MAGI1: variants seen among roughly 807,000 people sequenced by gnomAD.
The protein encoded by MAGI1 is membrane-associated guanylate kinase, WW and PDZ domain-containing protein 1.
Under a neutral mutation model 139.9 loss-of-function variants are expected in MAGI1, and 58 were observed. The ratio of observed to expected loss-of-function variants is 0.41; its 90% confidence interval spans 0.34 to 0.52. MAGI1 has a LOEUF of 0.52. MAGI1 is among the 20% of genes least tolerant of loss of function. MAGI1 has a pLI of 0.12. For missense variants in MAGI1, 1,874 were observed against 1,901.6 expected, an observed-to-expected ratio of 0.99 and a Z score of 0.27; for synonymous variants, 812 against 737.9, an observed-to-expected ratio of 1.10 and a Z score of -1.63.
At chr3:65,379,665 G>C in intron 16 of MAGI1, 111 bp from the exon 17 acceptor site, 1 of 1,500,524 alleles carries the variant, frequency 6.7e-7, no homozygotes, top group Non-Finnish European at 8.9e-7. Flanking sequence ...GAACCGAGGG[G>C]AGGAGACAGC....
intron 1 of MAGI1, 45 bp downstream of exon 1, chr3:66,037,951 C>A (rs754149936): frequency 6.6e-7 from 1 of 1,519,280 alleles, no homozygotes; most frequent in East Asian, 2.3e-5. Flanking sequence ...CCACAGACCA[C>A]CCTCCTTTTC....
chr3:65,778,451 A>AAAAAAAAAAAAAAAAAAG (rs1180962724), intron 1 of MAGI1, among the ~76,000 whole-genome samples: 3 of 61,360 alleles, frequency 4.9e-5, no homozygotes, highest in African/African-American at 9.8e-5. Context: ...AAAATAAATA[A>AAAAAAAAAAAAAAAAAAG]ATAAGTCTTT....
intron 2 of MAGI1, among the ~76,000 whole-genome samples, chr3:65,594,527 A>AT (rs2082099635): frequency 6.6e-6 from 1 of 152,242 alleles, no homozygotes; most frequent in Non-Finnish European, 1.5e-5. Context: ...CAGCAGAGTT[A>AT]CTGAATTAAT....
chr3:65,966,703 A>C (rs2064763683), intron 1 of MAGI1, among the ~76,000 whole-genome samples: 1 of 152,196 alleles, frequency 6.6e-6, no homozygotes, highest in Non-Finnish European at 1.5e-5. Flanking sequence ...GCTGCTAATT[A>C]CGAGGCATCA....
chr3:65,412,542 C>G (rs1364512190), intron 12 of MAGI1, among the ~76,000 whole-genome samples: 1 of 152,152 alleles, frequency 6.6e-6, no homozygotes, highest in Non-Finnish European at 1.5e-5. Flanking sequence ...CGGTCTATCC[C>G]TAGAACAGTA....
At chr3:65,763,997 C>T (rs1051445450) in intron 1 of MAGI1, among the ~76,000 whole-genome samples, 4 of 148,184 alleles carry the variant, frequency 2.7e-5, no homozygotes, top group South Asian at 2.2e-4. Flanking sequence ...ACTTTACCCT[C>T]GGAGGTGGAG....
At chr3:65,818,725 A>C (rs2041764514) in intron 1 of MAGI1, among the ~76,000 whole-genome samples, 1 of 152,166 alleles carries the variant, frequency 6.6e-6, no homozygotes. Context: ...CATACATCTT[A>C]CTGAGGAGTT....
rs1016323168 is a variant in MAGI1 at position 66,038,300 on chromosome 3, T to A, written c.9A>T (p.Lys3Asn). MS[K>N]VIQKKNHWTS... ...TCCAGTGGTTCTTCTTCTGGATCAC[T>A]TTGGACATGATGAGTTACACCCCTC... The change falls in exon 1 of 23, where the codon AAA (lysine) becomes AAT (asparagine). Residue 3 changes from lysine (K) to asparagine (N), a missense_variant. Around this residue, in one of 5 missense-constraint regions of MAGI1, gnomAD observed 648 missense variants for 598.1 expected, o/e 1.08. Transcript: ENST00000402939. 3 of 1,579,668 alleles carry A rather than the reference T, an allele frequency of 1.9e-6. No homozygotes were observed. In the South Asian group the frequency reaches 3.5e-5, roughly 18 times the overall value.
At chr3:66,020,494 C>T (rs2067903343) in intron 1 of MAGI1, among the ~76,000 whole-genome samples, 1 of 152,088 alleles carries the variant, frequency 6.6e-6, no homozygotes, top group Non-Finnish European at 1.5e-5. Flanking sequence ...CTGAGAGAAT[C>T]AAGGCTGTCC....
chr3:65,442,123 A>G (rs1196179386), intron 8 of MAGI1, among the ~76,000 whole-genome samples: 1 of 150,266 alleles, frequency 6.7e-6, no homozygotes, highest in African/African-American at 2.5e-5. Flanking sequence ...GTTTCTTTTA[A>G]TATCATCCTA....
At chr3:65,752,200 T>A (rs541135813) in intron 1 of MAGI1, among the ~76,000 whole-genome samples, 7 of 152,292 alleles carry the variant, frequency 4.6e-5, no homozygotes, top group African/African-American at 1.7e-4. Flanking sequence ...GTGCCCTCCT[T>A]GGCCTCCCAA....
intron 8 of MAGI1, 98 bp downstream of exon 8, chr3:65,442,694 G>C: frequency 1.4e-6 from 1 of 736,406 alleles, no homozygotes; most frequent in South Asian, 2.2e-5. Flanking sequence ...ATTGTTAATT[G>C]GTTTGTGCCT....
chr3:65,518,011 A>T (rs2077983619), intron 2 of MAGI1, among the ~76,000 whole-genome samples: 1 of 152,242 alleles, frequency 6.6e-6, no homozygotes, highest in African/African-American at 2.4e-5. Context: ...TTTCCACAGT[A>T]GCATTAGAAC....
intron 1 of MAGI1, among the ~76,000 whole-genome samples, chr3:65,986,356 C>T (rs900057972): frequency 3.9e-5 from 6 of 152,188 alleles, no homozygotes; most frequent in East Asian, 1.9e-4. Flanking sequence ...ACAACCTAAA[C>T]GCTAATTTTA....
At chr3:65,735,010 A>G (rs889325227) in intron 1 of MAGI1, among the ~76,000 whole-genome samples, 7 of 152,120 alleles carry the variant, frequency 4.6e-5, no homozygotes, top group African/African-American at 1.7e-4. Flanking sequence ...GAAAGTATAT[A>G]CCTATGCATA....
At chr3:65,504,676 T>C (rs932130635) in intron 2 of MAGI1, among the ~76,000 whole-genome samples, 2 of 151,972 alleles carry the variant, frequency 1.3e-5, no homozygotes, top group Non-Finnish European at 2.9e-5. Flanking sequence ...GCTGATGGAG[T>C]TGACGGTCTG....
chr3:65,984,269 G>A (rs1031824536), intron 1 of MAGI1, among the ~76,000 whole-genome samples: 1 of 152,182 alleles, frequency 6.6e-6, no homozygotes, highest in Non-Finnish European at 1.5e-5. Flanking sequence ...ACTCCAGCCT[G>A]CGTGACAGAG....
intron 1 of MAGI1, among the ~76,000 whole-genome samples, chr3:65,838,286 T>C (rs1393855451): frequency 6.6e-6 from 1 of 152,032 alleles, no homozygotes; most frequent in Admixed American, 6.6e-5. Context: ...CAGTCCAGCC[T>C]GGGTGACAGA....
chr3:65,790,201 T>G (rs995399921), intron 1 of MAGI1, among the ~76,000 whole-genome samples: 4 of 152,132 alleles, frequency 2.6e-5, no homozygotes, highest in Non-Finnish European at 4.4e-5. Flanking sequence ...AAAGCCAAGA[T>G]GCAATACTTA....
Sources: gnomAD v4.1 joint callset for allele counts (sites outside exome capture counted in the v4.1 genomes callset) on GRCh38, gnomAD v4.1.1 for gene constraint, gnomAD v4.1.1 regional missense constraint, MANE v1.5 for transcripts, NCBI Gene and HGNC (gene_info 2026-07-23, HGNC 2026-07-21) for gene names.